The following ASTN2 variants were observed in gnomAD, a reference collection of about 807,000 sequenced individuals.
The protein encoded by ASTN2 is astrotactin 2.
In ASTN2, 54 loss-of-function variants were observed where a neutral mutation model predicts 139.8. That is an observed-to-expected ratio of 0.39 (90% CI 0.31 to 0.48). The LOEUF (loss-of-function observed/expected upper bound fraction) is 0.48, where lower values mean the gene tolerates loss of function less well. Ranked by LOEUF, ASTN2 falls within the 20% of genes least tolerant of loss-of-function variation. The pLI is 0.95. For synonymous variants in ASTN2, 756 were observed against 719.5 expected (o/e 1.05, Z -0.81); for missense variants, 1,565 against 1,725.1 (o/e 0.91, Z 1.64).
chr9:116,605,588 G>A (rs1329637139), intron 19 of ASTN2, among the ~76,000 whole-genome samples: 2 of 151,960 alleles, frequency 1.3e-5, no homozygotes, highest in African/African-American at 4.8e-5. Context: ...TGAGGGTGGC[G>A]GTTTCAATGC....
At chr9:117,005,645 T>A (rs904723776) in intron 7 of ASTN2, among the ~76,000 whole-genome samples, 1 of 152,280 alleles carries the variant, frequency 6.6e-6, no homozygotes, top group South Asian at 2.1e-4. Flanking sequence ...CAGATGGGCT[T>A]CCTGCTTTCT....
chr9:116,900,537 T>G (rs1190929825), intron 10 of ASTN2, among the ~76,000 whole-genome samples: 1 of 152,080 alleles, frequency 6.6e-6, no homozygotes, highest in Non-Finnish European at 1.5e-5. Flanking sequence ...CCCTCAGAAA[T>G]GAAAAGTTTA....
intron 20 of ASTN2, among the ~76,000 whole-genome samples, chr9:116,454,649 T>C (rs1462086378): frequency 1.3e-5 from 2 of 152,158 alleles, no homozygotes; most frequent in African/African-American, 4.8e-5. Flanking sequence ...CAAATGTCCA[T>C]CAATGATAGA....
chr9:117,045,991 C>T (rs7850639), intron 5 of ASTN2, among the ~76,000 whole-genome samples: 39,526 of 142,530 alleles, frequency 0.28, 5,954 homozygotes, highest in East Asian at 0.61. Flanking sequence ...TACGTACGTA[C>T]GTATGTATGT....
At chr9:117,395,521 C>T (rs982894439) in intron 1 of ASTN2, among the ~76,000 whole-genome samples, 1 of 152,190 alleles carries the variant, frequency 6.6e-6, no homozygotes, top group Non-Finnish European at 1.5e-5. Context: ...CCCAACCGTC[C>T]CTAAAGGTAG....
intron 19 of ASTN2, among the ~76,000 whole-genome samples, chr9:116,506,385 A>G (rs906509694): frequency 2.0e-5 from 3 of 152,174 alleles, no homozygotes; most frequent in African/African-American, 7.2e-5. Context: ...TATTTCACCA[A>G]CTTGTATTTC....
At chr9:117,343,389 C>T (rs1284846537) in intron 1 of ASTN2, among the ~76,000 whole-genome samples, 1 of 152,186 alleles carries the variant, frequency 6.6e-6, no homozygotes, top group Non-Finnish European at 1.5e-5. Context: ...ATCCAAGAAG[C>T]TTTCTCGGAT....
At chr9:117,069,476 G>T (rs1219153564) in intron 5 of ASTN2, among the ~76,000 whole-genome samples, 3 of 75,280 alleles carry the variant, frequency 4.0e-5, no homozygotes, top group South Asian at 6.2e-4. Flanking sequence ...TGAAAAAAAT[G>T]TATATTCTGT....
intron 13 of ASTN2, among the ~76,000 whole-genome samples, chr9:116,766,437 CAT>C (rs1829809907): frequency 6.6e-6 from 1 of 151,956 alleles, no homozygotes; most frequent in Non-Finnish European, 1.5e-5. Context: ...CACACTCACA[CAT>C]AAACACACAC....
chr9:117,120,027 T>C lies in ASTN2; in HGVS notation c.1168+21299A>G, dbSNP rs1386323056. On this transcript the variant is annotated intron_variant, in intron 4 of 22. Coordinates refer to ENST00000313400, the MANE Select transcript of ASTN2 (RefSeq NM_001365068.1). ...GTGTGTGTGTGTGTGTGTATATATA[T>C]ATATATATATATATATATATATACC... 6.8e-5 allele frequency among the ~76,000 whole-genome samples: 6 copies of C among 88,144 alleles called. 1 individual carries two copies. The highest frequency in any genetic ancestry group is 2.1e-4 in the Admixed American group (2 of 9,416). The allele number at this position is 88,144 out of a possible 152,430, so 57.8% of individuals were successfully genotyped here. A position where few individuals can be genotyped will look rare whatever the true frequency, so the allele number is the denominator to read the frequency against.
At chr9:116,858,492 C>G (rs1312708848) in intron 11 of ASTN2, among the ~76,000 whole-genome samples, 1 of 152,146 alleles carries the variant, frequency 6.6e-6, no homozygotes, top group African/African-American at 2.4e-5. Flanking sequence ...CCATACGATG[C>G]TGTGATTAAG....
intron 21 of ASTN2, 108 bp from the exon 22 acceptor site, chr9:116,440,900 T>G: frequency 8.7e-7 from 1 of 1,153,458 alleles, no homozygotes; most frequent in East Asian, 2.4e-5. Flanking sequence ...TTTGCTTGCA[T>G]AAGCTCTGGG....
intron 20 of ASTN2, among the ~76,000 whole-genome samples, chr9:116,486,897 T>C (rs903796003): frequency 1.3e-5 from 2 of 150,934 alleles, no homozygotes; most frequent in African/African-American, 2.5e-5. Context: ...TAAAAAAGTG[T>C]ATATTGTATA....
intron 16 of ASTN2, among the ~76,000 whole-genome samples, chr9:116,695,711 C>T (rs1022682852): frequency 1.3e-5 from 2 of 152,154 alleles, no homozygotes; most frequent in South Asian, 2.1e-4. Context: ...CCTCAACTTG[C>T]TAGACCTATT....
chr9:117,053,363 G>A (rs566184578), intron 5 of ASTN2, among the ~76,000 whole-genome samples: 1 of 152,274 alleles, frequency 6.6e-6, no homozygotes, highest in South Asian at 2.1e-4. Flanking sequence ...GAGGTAGGAA[G>A]ATCGCTTGAG....
chr9:116,572,812 C>T (rs1291621365), intron 19 of ASTN2, among the ~76,000 whole-genome samples: 5 of 152,082 alleles, frequency 3.3e-5, no homozygotes, highest in Non-Finnish European at 7.4e-5. Context: ...GGTTCCAGTT[C>T]CAGAAAGAGG....
At chr9:116,556,587 A>G (rs1372703689) in intron 19 of ASTN2, among the ~76,000 whole-genome samples, 1 of 152,232 alleles carries the variant, frequency 6.6e-6, no homozygotes, top group Non-Finnish European at 1.5e-5. Context: ...ATTGTGTTGG[A>G]ACAAACAGTT....
chr9:116,535,961 G>T (rs1208626734), intron 19 of ASTN2, among the ~76,000 whole-genome samples: 1 of 152,106 alleles, frequency 6.6e-6, no homozygotes, highest in Non-Finnish European at 1.5e-5. Flanking sequence ...TTTCCAACTT[G>T]GTTCCATTCT....
chr9:117,350,709 G>A (rs1829361586), intron 1 of ASTN2, among the ~76,000 whole-genome samples: 1 of 152,138 alleles, frequency 6.6e-6, no homozygotes, highest in African/African-American at 2.4e-5. Flanking sequence ...GCTGGGCAGT[G>A]GGGAATGAGG....
Sources: gnomAD v4.1 joint callset for allele counts (sites outside exome capture counted in the v4.1 genomes callset) on GRCh38, gnomAD v4.1.1 for gene constraint, MANE v1.5 for transcripts, NCBI Gene and HGNC (gene_info 2026-07-23, HGNC 2026-07-21) for gene names.